TTBK2: variants seen among roughly 807,000 people sequenced by gnomAD.
TTBK2 encodes the protein tau-tubulin kinase 2.
A neutral mutation model predicts 110.8 loss-of-function variants in TTBK2; 28 were observed. The observed-to-expected ratio is 0.25, with a 90% CI of 0.19 to 0.35. The LOEUF (loss-of-function observed/expected upper bound fraction) is 0.35. Ranked by LOEUF, TTBK2 falls within the 10% of genes least tolerant of loss-of-function variation. The pLI is 1.00. For synonymous variants in TTBK2, 532 were observed against 527.3 expected (o/e 1.01, Z -0.12); for missense variants, 1,369 against 1,500.3 (o/e 0.91, Z 1.45).
At chr15:42,751,104 C>T (rs1008410599) in intron 14 of TTBK2, among the ~76,000 whole-genome samples, 7 of 152,002 alleles carry the variant, frequency 4.6e-5, no homozygotes, top group Admixed American at 1.3e-4. Context: ...AATGAAAGGG[C>T]GCCACACAGG....
chr15:42,818,929 A>C (rs1271562168), intron 6 of TTBK2, among the ~76,000 whole-genome samples: 2 of 149,184 alleles, frequency 1.3e-5, no homozygotes, highest in Non-Finnish European at 3.0e-5. Context: ...TCTCAAAAAA[A>C]AAAAACAAAA....
chr15:42,827,499 T>C (rs1387043805), intron 6 of TTBK2, among the ~76,000 whole-genome samples: 1 of 152,164 alleles, frequency 6.6e-6, no homozygotes, highest in African/African-American at 2.4e-5. Flanking sequence ...AAGTAGCCAT[T>C]ATAGATATGT....
chr15:42,876,628 T>A (rs568911320), intron 2 of TTBK2, among the ~76,000 whole-genome samples: 1 of 152,360 alleles, frequency 6.6e-6, no homozygotes, highest in South Asian at 2.1e-4. Flanking sequence ...GGTCTTCTTT[T>A]TCCAATCTGT....
chr15:42,837,816 G>A (rs1362277625), intron 4 of TTBK2, among the ~76,000 whole-genome samples: 1 of 152,124 alleles, frequency 6.6e-6, no homozygotes, highest in Non-Finnish European at 1.5e-5. Context: ...CTGAAGGATG[G>A]CTGAGGGAAA....
At chr15:42,800,905 C>T in intron 9 of TTBK2, 1 of 669,146 alleles carries the variant, frequency 1.5e-6, no homozygotes, top group South Asian at 1.7e-5. Flanking sequence ...TTCCCCTGCA[C>T]AGTGGCCTCC....
At chr15:42,916,422 G>A (rs1037317338) in intron 1 of TTBK2, among the ~76,000 whole-genome samples, 3 of 152,190 alleles carry the variant, frequency 2.0e-5, no homozygotes, top group Admixed American at 6.5e-5. Context: ...CCGCCTCCGG[G>A]TTCAAGCAAT....
chr15:42,880,200 C>CAA (rs1894986000), intron 1 of TTBK2, among the ~76,000 whole-genome samples: 6 of 152,142 alleles, frequency 3.9e-5, no homozygotes, highest in Non-Finnish European at 7.4e-5. Flanking sequence ...GTGTTAAACC[C>CAA]ATCCTAAGCC....
intron 13 of TTBK2, among the ~76,000 whole-genome samples, chr15:42,762,911 A>T (rs1253542478): frequency 1.3e-5 from 2 of 150,858 alleles, no homozygotes; most frequent in Non-Finnish European, 2.9e-5. Flanking sequence ...GGAAGCTAAA[A>T]AAAAGTTGAT....
chr15:42,850,898 G>A (rs1008479794), intron 3 of TTBK2, among the ~76,000 whole-genome samples: 2 of 151,880 alleles, frequency 1.3e-5, no homozygotes, highest in Non-Finnish European at 2.9e-5. Flanking sequence ...GAAAAAAGAA[G>A]CAGTTTGCAG....
intron 1 of TTBK2, among the ~76,000 whole-genome samples, chr15:42,893,373 G>A (rs959243622): frequency 2.0e-5 from 3 of 152,060 alleles, no homozygotes; most frequent in Non-Finnish European, 4.4e-5. Context: ...GTGGGTGCCT[G>A]TAGTCCTAGC....
chr15:42,789,418 T>G (rs1890548859), intron 10 of TTBK2, among the ~76,000 whole-genome samples: 1 of 152,168 alleles, frequency 6.6e-6, no homozygotes, highest in Non-Finnish European at 1.5e-5. Context: ...CTGTGGCAAA[T>G]GATAGGATCT....
At chr15:42,902,159 T>C (rs938735423) in intron 1 of TTBK2, among the ~76,000 whole-genome samples, 6 of 149,098 alleles carry the variant, frequency 4.0e-5, no homozygotes, top group Non-Finnish European at 8.9e-5. Context: ...GAGGTTGCAG[T>C]GAGCCAAGAT....
chr15:42,907,139 C>A (rs115922627), intron 1 of TTBK2, among the ~76,000 whole-genome samples: 2,032 of 152,128 alleles, frequency 0.013, 50 homozygotes, highest in African/African-American at 0.044. Context: ...ATGATATCAT[C>A]TCACCCCAGT....
In TTBK2 at chr15:42,790,993, C is replaced by G. The variant is rs566668412; in HGVS notation, c.980+3651G>C. 1.2e-3 allele frequency among the ~76,000 whole-genome samples: 182 copies of G among 152,320 alleles called. 1 individual carries two copies. The highest frequency in any genetic ancestry group is 4.2e-3 in the African/African-American group (173 of 41,564). On this transcript the variant is annotated intron_variant, in intron 10 of 14. Transcript: ENST00000267890. Reference sequence around the variant, plus strand: ...CCACCTCCCGTGTTCACGCCATTCTCCCGCCTCAGCCTCCCGAGTAGCTAG... The same window carrying G: ...CCACCTCCCGTGTTCACGCCATTCTGCCGCCTCAGCCTCCCGAGTAGCTAG...
At chr15:42,769,833 A>G (rs1889579505) in intron 13 of TTBK2, among the ~76,000 whole-genome samples, 1 of 152,200 alleles carries the variant, frequency 6.6e-6, no homozygotes, top group Non-Finnish European at 1.5e-5. Flanking sequence ...GGCACTATTC[A>G]CAACAGCAGA....
chr15:42,914,235 C>T (rs2030959263), intron 1 of TTBK2, among the ~76,000 whole-genome samples: 1 of 152,104 alleles, frequency 6.6e-6, no homozygotes, highest in East Asian at 1.9e-4. Context: ...CTCAGCCTCC[C>T]AAAGTGCTAG....
At chr15:42,884,755 T>C (rs1487668761) in intron 1 of TTBK2, among the ~76,000 whole-genome samples, 1 of 152,284 alleles carries the variant, frequency 6.6e-6, no homozygotes, top group East Asian at 1.9e-4. Context: ...TGGAAACTAA[T>C]AAGTGTCAGG....
At chr15:42,893,019 A>C (rs1191975563) in intron 1 of TTBK2, among the ~76,000 whole-genome samples, 1 of 151,516 alleles carries the variant, frequency 6.6e-6, no homozygotes, top group Admixed American at 6.6e-5. Context: ...TCAAAAAAAA[A>C]AAAAAAAAGA....
intron 13 of TTBK2, among the ~76,000 whole-genome samples, chr15:42,773,345 G>A (rs1385888873): frequency 3.3e-5 from 5 of 152,148 alleles, no homozygotes; most frequent in Non-Finnish European, 5.9e-5. Context: ...GCTGAGGCAG[G>A]AGAATCACTT....
Sources: gnomAD v4.1 joint callset for allele counts (sites outside exome capture counted in the v4.1 genomes callset) on GRCh38, gnomAD v4.1.1 for gene constraint, MANE v1.5 for transcripts, NCBI Gene and HGNC (gene_info 2026-07-23, HGNC 2026-07-21) for gene names.